Variants in EXT1 observed in about 807,000 individuals in gnomAD.
EXT1 encodes the protein exostosin-1.
In EXT1, 20 loss-of-function variants were observed where a neutral mutation model predicts 82.5. That is an observed-to-expected ratio of 0.24 (90% confidence interval 0.17 to 0.35). EXT1 has a LOEUF of 0.35. EXT1 is among the 10% of genes least tolerant of loss of function. The probability of loss-of-function intolerance (pLI) is 1.00; values close to 1 mark genes in which losing one functional copy is unlikely to be tolerated. For missense variants in EXT1, 757 were observed against 936.5 expected, an observed-to-expected ratio of 0.81 and a Z score of 2.50; for synonymous variants, 348 against 350.8, an observed-to-expected ratio of 0.99 and a Z score of 0.09.
At chr8:118,056,312 T>G (rs142000752) in intron 1 of EXT1, among the ~76,000 whole-genome samples, 58 of 152,262 alleles carry the variant, frequency 3.8e-4, no homozygotes, top group African/African-American at 1.3e-3. Flanking sequence ...CAATATAACC[T>G]TTCCCCTGGG....
At chr8:117,934,575 G>A (rs573596100) in intron 1 of EXT1, among the ~76,000 whole-genome samples, 112 of 152,298 alleles carry the variant, frequency 7.4e-4, no homozygotes, top group African/African-American at 2.6e-3. Context: ...TTCTCATCTG[G>A]ATAACCCTCT....
At chr8:117,936,480 C>T (rs922526748) in intron 1 of EXT1, among the ~76,000 whole-genome samples, 6 of 152,214 alleles carry the variant, frequency 3.9e-5, no homozygotes, top group African/African-American at 1.2e-4. Context: ...ACCCTGATAT[C>T]ACCAAATTGC....
intron 1 of EXT1, among the ~76,000 whole-genome samples, chr8:117,882,793 A>G (rs905321760): frequency 2.6e-5 from 4 of 151,906 alleles, no homozygotes; most frequent in Admixed American, 2.0e-4. Flanking sequence ...ACTGGCCAAC[A>G]TGGTGAAACC....
At chr8:117,888,329 A>T (rs4475517) in intron 1 of EXT1, among the ~76,000 whole-genome samples, 104,345 of 151,776 alleles carry the variant, frequency 0.69, 36,276 homozygotes, top group Middle Eastern at 0.82. Flanking sequence ...AATAGATTAA[A>T]TAAAACAATT....
chr8:117,884,576 C>G (rs757863107), intron 1 of EXT1, among the ~76,000 whole-genome samples: 1 of 152,196 alleles, frequency 6.6e-6, no homozygotes, highest in African/African-American at 2.4e-5. Flanking sequence ...CTTCAAATTA[C>G]CGTTGTATCA....
intron 7 of EXT1, among the ~76,000 whole-genome samples, chr8:117,817,690 A>G (rs912192986): frequency 6.6e-6 from 1 of 152,162 alleles, no homozygotes; most frequent in Non-Finnish European, 1.5e-5. Flanking sequence ...GTAGGAAGAG[A>G]CACAGCGCAA....
At position 117,837,157 on chromosome 8, in the gene EXT1, A is replaced by G. The variant is rs113568296; in HGVS notation, c.1007T>C (p.Val336Ala). The G allele has an allele frequency of 6.2e-7, 1 of 1,614,064 alleles. No individual in the cohort carries two copies. Among genetic ancestry groups the G allele is most frequent in the Non-Finnish European group, 8.5e-7 (1 of 1,179,948 alleles). ...EMLHNATFCL[V>A]PRGRRLGSFR... ...GGACCCAAGCCTGCGACCACGAGGA[A>G]CCAGACAGAAAGTGGCATTGTGCAG... is the stretch of plus-strand genomic sequence containing the variant. The change falls in exon 2 of 11, where the codon GTT (valine) becomes GCT (alanine). Residue 336 changes from valine to alanine, a missense_variant. Transcript: ENST00000378204.
intron 1 of EXT1, among the ~76,000 whole-genome samples, chr8:117,997,946 ATCTAT>A: frequency 6.6e-6 from 1 of 151,664 alleles, no homozygotes; most frequent in East Asian, 1.9e-4. Flanking sequence ...TTTGCAAAGG[ATCTAT>A]CTTCTTTGAG....
intron 1 of EXT1, among the ~76,000 whole-genome samples, chr8:117,868,816 T>C (rs1341612196): frequency 6.6e-6 from 1 of 152,082 alleles, no homozygotes; most frequent in East Asian, 1.9e-4. Context: ...GACCAAGGGG[T>C]ATGTTACTAT....
chr8:117,797,666 A>C lies in EXT1; in HGVS notation c.*2046T>G, dbSNP rs555956690. 2.0e-3 allele frequency: 299 copies of C among 152,352 alleles called. 1 individual carries two copies. Among genetic ancestry groups the C allele is most frequent in the African/African-American group, 6.9e-3 (286 of 41,580 alleles). The allele number at this position is 152,352 out of a possible 1,614,324, so 9.4% of individuals were successfully genotyped here. Reference sequence around the variant, plus strand: ...ATAAAGATTAACTGCTAATCTTTTAACTTGCTGAGAAGTGCAGCTTAAATG... The same window carrying C: ...ATAAAGATTAACTGCTAATCTTTTACCTTGCTGAGAAGTGCAGCTTAAATG... On this transcript the variant is annotated 3_prime_UTR_variant, in exon 11 of 11. Transcript: ENST00000378204.
At chr8:117,898,059 T>G (rs1360359025) in intron 1 of EXT1, among the ~76,000 whole-genome samples, 5 of 152,356 alleles carry the variant, frequency 3.3e-5, no homozygotes, top group African/African-American at 1.2e-4. Context: ...TAAAGTCATT[T>G]GTCCAGAAGG....
At chr8:117,833,622 A>C (rs1353590890) in intron 3 of EXT1, among the ~76,000 whole-genome samples, 2 of 152,076 alleles carry the variant, frequency 1.3e-5, no homozygotes, top group Non-Finnish European at 2.9e-5. Context: ...CTCAAAAAAA[A>C]AAAAGAAAGA....
At chr8:117,992,799 C>T (rs149491526) in intron 1 of EXT1, among the ~76,000 whole-genome samples, 3 of 152,302 alleles carry the variant, frequency 2.0e-5, no homozygotes, top group South Asian at 2.1e-4. Flanking sequence ...AAGAACCTTC[C>T]GTGGCATGGG....
At chr8:117,971,292 C>T (rs1165367111) in intron 1 of EXT1, among the ~76,000 whole-genome samples, 1 of 152,196 alleles carries the variant, frequency 6.6e-6, no homozygotes, top group Non-Finnish European at 1.5e-5. Context: ...CTTCACCTCC[C>T]CTGCCCTCAA....
chr8:117,836,696 T>C (rs531582422), intron 2 of EXT1, among the ~76,000 whole-genome samples: 2 of 152,066 alleles, frequency 1.3e-5, no homozygotes, highest in Admixed American at 6.6e-5. Context: ...AGTACCACCA[T>C]GCTGGGGATC....
intron 1 of EXT1, among the ~76,000 whole-genome samples, chr8:118,084,699 G>A (rs1461112097): frequency 6.6e-6 from 1 of 152,164 alleles, no homozygotes; most frequent in Non-Finnish European, 1.5e-5. Context: ...CATGGCATTA[G>A]GGAAGCGTTT....
chr8:117,935,987 T>C (rs1325792806), intron 1 of EXT1, among the ~76,000 whole-genome samples: 1 of 152,156 alleles, frequency 6.6e-6, no homozygotes, highest in Non-Finnish European at 1.5e-5. Flanking sequence ...AATCTTGCCT[T>C]CATCTGTAGA....
chr8:117,923,043 TG>T (rs2129638630), intron 1 of EXT1, among the ~76,000 whole-genome samples: 1 of 124,048 alleles, frequency 8.1e-6, no homozygotes, highest in East Asian at 2.2e-4. Context: ...AATTTAAAAC[TG>T]CCAGGCACGG....
At chr8:117,815,464 A>G (rs1211441857) in intron 7 of EXT1, among the ~76,000 whole-genome samples, 2 of 152,232 alleles carry the variant, frequency 1.3e-5, no homozygotes, top group African/African-American at 4.8e-5. Context: ...TCGAATTCTC[A>G]TGCAGAAATG....
Sources: allele counts gnomAD v4.1 joint callset (sites outside exome capture counted in the v4.1 genomes callset), GRCh38; gene constraint gnomAD v4.1.1; transcripts MANE v1.5; gene names NCBI Gene and HGNC (gene_info 2026-07-23, HGNC 2026-07-21).